USPL1: variants seen among roughly 807,000 people sequenced by gnomAD.
USPL1 encodes SUMO-specific isopeptidase USPL1.
A neutral mutation model predicts 51.5 loss-of-function variants in USPL1; 27 were observed. That is an observed-to-expected ratio of 0.52 (90% CI 0.39 to 0.72). The LOEUF is 0.72. Ranked by LOEUF, USPL1 falls within the 30% of genes least tolerant of loss-of-function variation. The pLI is 0.00. For synonymous variants in USPL1, 451 were observed against 459.6 expected, an observed-to-expected ratio of 0.98 and a Z score of 0.24; for missense variants, 1,226 against 1,268.0, an observed-to-expected ratio of 0.97 and a Z score of 0.50.
intron 8 of USPL1, 127 bp downstream of exon 8, chr13:30,653,432 T>A (rs549640667): frequency 4.1e-6 from 4 of 976,148 alleles, no homozygotes; most frequent in Non-Finnish European, 2.9e-6. Flanking sequence ...CTCTCCATTC[T>A]CGCCTTTGCC....
At chr13:30,625,816 A>G (rs747237454) in intron 3 of USPL1, among the ~76,000 whole-genome samples, 1 of 152,128 alleles carries the variant, frequency 6.6e-6, no homozygotes, top group Non-Finnish European at 1.5e-5. Context: ...TTTTAAGTAT[A>G]TACTTTGGAA....
chr13:30,658,226 C>G lies in USPL1; in HGVS notation c.2149C>G (p.Arg717Gly). The G allele has an allele frequency of 6.2e-7, 1 of 1,611,914 alleles. No individual in the cohort carries two copies. Among genetic ancestry groups the G allele is most frequent in the Non-Finnish European group, 8.5e-7 (1 of 1,179,564 alleles). ...TPKTEQLKPE[R>G]VTSQVSNLKK... ...AAAAACTGAACAATTAAAACCAGAACGTGTCACATCTCAGGTATCTAATTT... is the reference window on the plus strand; with the variant it reads ...AAAAACTGAACAATTAAAACCAGAAGGTGTCACATCTCAGGTATCTAATTT... Residue 717 changes from arginine (R) to glycine (G), a missense_variant, in exon 9 of 9, where the codon CGT (arginine) becomes GGT (glycine). Arg to Gly is a moderately radical substitution (Grantham distance 125, BLOSUM62 -2). Coordinates refer to ENST00000255304, the MANE Select transcript of USPL1 (RefSeq NM_005800.5).
intron 8 of USPL1, among the ~76,000 whole-genome samples, 176 bp from the exon 9 acceptor site, chr13:30,657,298 A>G (rs545278187): frequency 2.6e-5 from 4 of 152,362 alleles, no homozygotes; most frequent in South Asian, 4.1e-4. Flanking sequence ...AAAATTAAAT[A>G]TACTCTATCT....
At chr13:30,656,918 C>T (rs1325808789) in intron 8 of USPL1, among the ~76,000 whole-genome samples, 5 of 150,290 alleles carry the variant, frequency 3.3e-5, no homozygotes, top group African/African-American at 1.2e-4. Context: ...TACCTTCTTA[C>T]TCCTCATTCA....
At chr13:30,643,253 A>G (rs1048316625) in intron 6 of USPL1, among the ~76,000 whole-genome samples, 8 of 152,136 alleles carry the variant, frequency 5.3e-5, no homozygotes, top group African/African-American at 1.9e-4. Flanking sequence ...TCAGCAGCGT[A>G]TTAGAAAGGC....
intron 1 of USPL1, among the ~76,000 whole-genome samples, chr13:30,619,688 A>G (rs1435573841): frequency 1.3e-5 from 2 of 152,226 alleles, no homozygotes; most frequent in South Asian, 4.1e-4. Flanking sequence ...GAAGAAACTA[A>G]TTTTACAAGT....
chr13:30,634,603 C>T (rs1422002938), intron 4 of USPL1, among the ~76,000 whole-genome samples: 1 of 151,980 alleles, frequency 6.6e-6, no homozygotes, highest in Non-Finnish European at 1.5e-5. Flanking sequence ...ACAGAATATT[C>T]ATCTACCTGT....
At position 30,653,140 on chromosome 13, in the gene USPL1, T is replaced by C; in HGVS notation, c.1239-8T>C. The C allele has an allele frequency of 6.4e-7, 1 of 1,563,610 alleles. No individual in the cohort carries two copies. Among genetic ancestry groups the C allele is most frequent in the Non-Finnish European group, 8.7e-7 (1 of 1,151,042 alleles). The stretch of plus-strand genomic sequence containing the variant: ...TTATTTAACTTCTCTTGCTTTTCTC[T>C]CCCACAGAGTATCTCCCATATTCAT... On this transcript the variant is annotated splice_polypyrimidine_tract_variant and splice_region_variant and intron_variant, in intron 7 of 8. Transcript: ENST00000255304.
intron 2 of USPL1, among the ~76,000 whole-genome samples, chr13:30,621,471 G>A (rs1399143446): frequency 2.6e-5 from 4 of 151,876 alleles, no homozygotes; most frequent in African/African-American, 9.7e-5. Flanking sequence ...TTGAAAATAT[G>A]GTACATAAAT....
In USPL1 at chr13:30,659,587, G is replaced by T; in HGVS notation, c.*231G>T. Reference sequence around the variant, plus strand: ...TTTCATTTTGTTCTTGTGAGAGTATGAGGATTTCAAAATGTTAAAGATGAA... The same window carrying T: ...TTTCATTTTGTTCTTGTGAGAGTATTAGGATTTCAAAATGTTAAAGATGAA... On this transcript the variant is annotated 3_prime_UTR_variant, in exon 9 of 9. Transcript: ENST00000255304. 1 of 408,842 alleles carries T rather than the reference G, an allele frequency of 2.4e-6. No homozygotes were observed. Among genetic ancestry groups the T allele is most frequent in the East Asian group, 4.0e-5 (1 of 24,860 alleles). 25.3% of individuals were successfully genotyped at this position (408,842 alleles called of 1,614,324 possible).
intron 8 of USPL1, among the ~76,000 whole-genome samples, chr13:30,655,163 C>T (rs186435631): frequency 6.6e-6 from 1 of 152,240 alleles, no homozygotes; most frequent in East Asian, 1.9e-4. Flanking sequence ...TCTTGAACTC[C>T]CAACCTCAGG....
chr13:30,649,163 G>A (rs531274997), intron 7 of USPL1, among the ~76,000 whole-genome samples: 2 of 152,274 alleles, frequency 1.3e-5, no homozygotes, highest in African/African-American at 4.8e-5. Context: ...GTTCCAGTGG[G>A]CCAATTTATG....
intron 8 of USPL1, among the ~76,000 whole-genome samples, chr13:30,656,075 G>A (rs551868749): frequency 1.3e-3 from 205 of 152,254 alleles, no homozygotes; most frequent in African/African-American, 4.8e-3. Flanking sequence ...ATCCAAGCCC[G>A]TGGTTAGCTT....
Position 30,657,945 on chromosome 13 carries a change from A to G in USPL1, c.1868A>G (p.Asn623Ser). Residue 623 changes from asparagine to serine, a missense_variant, in exon 9 of 9, where the codon AAT (asparagine) becomes AGT (serine). Physicochemically the swap from Asn to Ser is conservative, Grantham distance 46 (BLOSUM62 1). Transcript: ENST00000255304. ...GAAAATACAGGAATTCTCAAAACCA[A>G]TACTTTGCTATCACAAGAATCACTA... ...VAENTGILKT[N>S]TLLSQESLMA... 6.2e-7 allele frequency: 1 copy of G among 1,613,756 alleles called. No individual in the cohort carries two copies. The highest frequency in any genetic ancestry group is 8.5e-7 in the Non-Finnish European group (1 of 1,180,040).
chr13:30,651,813 G>A (rs1328893737), intron 7 of USPL1, among the ~76,000 whole-genome samples: 1 of 152,122 alleles, frequency 6.6e-6, no homozygotes, highest in Non-Finnish European at 1.5e-5. Flanking sequence ...ATAGTAGTGT[G>A]TGGTATGGTG....
intron 3 of USPL1, among the ~76,000 whole-genome samples, chr13:30,624,670 A>G (rs1950688665): frequency 6.6e-6 from 1 of 152,246 alleles, no homozygotes; most frequent in Admixed American, 6.5e-5. Context: ...GGCTATGAAG[A>G]GAGAGCTTTC....
chr13:30,620,217 C>T (rs1286679019), intron 1 of USPL1, among the ~76,000 whole-genome samples: 1 of 152,170 alleles, frequency 6.6e-6, no homozygotes, highest in Non-Finnish European at 1.5e-5. Context: ...AGATGGGTGT[C>T]ATAGAATCAT....
At chr13:30,620,233 C>A (rs1344798336) in intron 1 of USPL1, among the ~76,000 whole-genome samples, 5 of 152,092 alleles carry the variant, frequency 3.3e-5, no homozygotes, top group African/African-American at 1.2e-4. Context: ...ATCATGGATT[C>A]TTGGATTTGG....
rs1453884163 is a variant in USPL1 at position 30,630,837 on chromosome 13, C to T, written c.231C>T (p.Cys77=). 3 of 1,595,098 alleles carry T rather than the reference C, an allele frequency of 1.9e-6. No individual in the cohort carries two copies. The Admixed American group carries it at 5.3e-5, about 28-fold the overall frequency. ...ATCATTTTATTTTTACTTTCCAGTG[C>T]ATCTATCCTTTGGGCTCTAAATCAC... is the stretch of plus-strand genomic sequence containing the variant. ...ESIFLCEDLQ[C]IYPLGSKSLN... The change falls in exon 4 of 9, where the codon TGC becomes TGT. Residue 77 remains cysteine, a splice_region_variant and synonymous_variant. Transcript: ENST00000255304.
Sources: allele counts gnomAD v4.1 joint callset (sites outside exome capture counted in the v4.1 genomes callset), GRCh38; gene constraint gnomAD v4.1.1; transcripts MANE v1.5; gene names NCBI Gene and HGNC (gene_info 2026-07-23, HGNC 2026-07-21).